Variants in NKAIN2 observed in about 807,000 individuals in gnomAD.
The protein encoded by NKAIN2 is sodium/potassium-transporting ATPase subunit beta-1-interacting protein 2.
NKAIN2 carries 14 observed loss-of-function variants against 32.6 expected under a neutral mutation model. The ratio of observed to expected loss-of-function variants is 0.43; its 90% CI spans 0.28 to 0.67. The LOEUF (loss-of-function observed/expected upper bound fraction) is 0.67, where lower values mean the gene tolerates loss of function less well. Among genes scored for constraint, NKAIN2 ranks in the 30% least tolerant of loss-of-function variants. NKAIN2 has a pLI of 0.17. For synonymous variants in NKAIN2, 80 were observed against 87.2 expected (o/e 0.92, Z 0.46); for missense variants, 198 against 258.3 (o/e 0.77, Z 1.60).
chr6:124,250,743 C>T (rs371966081), intron 1 of NKAIN2, among the ~76,000 whole-genome samples: 12 of 151,964 alleles, frequency 7.9e-5, no homozygotes, highest in African/African-American at 2.9e-4. Context: ...AGGAGACTTA[C>T]AGAGGTAATG....
At chr6:124,211,975 C>T (rs1164398454) in intron 1 of NKAIN2, among the ~76,000 whole-genome samples, 1 of 151,938 alleles carries the variant, frequency 6.6e-6, no homozygotes, top group East Asian at 1.9e-4. Context: ...AATGGGCTTT[C>T]TTCTATTGGA....
chr6:124,513,907 A>G (rs1778809334), intron 3 of NKAIN2, among the ~76,000 whole-genome samples: 1 of 152,332 alleles, frequency 6.6e-6, no homozygotes, highest in Non-Finnish European at 1.5e-5. Flanking sequence ...TAATAAACAT[A>G]AAATGTGTGC....
intron 1 of NKAIN2, among the ~76,000 whole-genome samples, chr6:123,907,490 T>C (rs1774942964): frequency 6.6e-6 from 1 of 152,178 alleles, no homozygotes; most frequent in South Asian, 2.1e-4. Flanking sequence ...AGACTCATGA[T>C]TTCCCAGATT....
chr6:124,297,109 A>C (rs1367639372), intron 2 of NKAIN2, among the ~76,000 whole-genome samples: 1 of 152,180 alleles, frequency 6.6e-6, no homozygotes, highest in Non-Finnish European at 1.5e-5. Context: ...AGTATGTCAT[A>C]AAATTATGAA....
chr6:124,794,434 T>G (rs1257843494), intron 5 of NKAIN2, among the ~76,000 whole-genome samples: 1 of 152,142 alleles, frequency 6.6e-6, no homozygotes, highest in Non-Finnish European at 1.5e-5. Flanking sequence ...TATCTCTCAA[T>G]CATCTAATAA....
At chr6:124,625,341 G>T (rs186315735) in intron 3 of NKAIN2, among the ~76,000 whole-genome samples, 1 of 152,090 alleles carries the variant, frequency 6.6e-6, no homozygotes, top group African/African-American at 2.4e-5. Flanking sequence ...CTTAAATAAA[G>T]TGTCTCTCAC....
chr6:124,361,754 A>G (rs527997010), intron 3 of NKAIN2, among the ~76,000 whole-genome samples: 1 of 152,226 alleles, frequency 6.6e-6, no homozygotes, highest in East Asian at 1.9e-4. Context: ...TTTTGAATGT[A>G]AGAGACAGGA....
At chr6:124,631,742 T>C (rs1783577875) in intron 3 of NKAIN2, among the ~76,000 whole-genome samples, 1 of 152,172 alleles carries the variant, frequency 6.6e-6, no homozygotes, top group Non-Finnish European at 1.5e-5. Flanking sequence ...GATGTCTCTT[T>C]AATTATGAGG....
chr6:124,312,659 G>A (rs894690831), intron 2 of NKAIN2, among the ~76,000 whole-genome samples: 5 of 152,122 alleles, frequency 3.3e-5, no homozygotes, highest in East Asian at 1.9e-4. Flanking sequence ...TCTTCATACC[G>A]TGTCCTCTTC....
intron 1 of NKAIN2, among the ~76,000 whole-genome samples, chr6:123,997,808 T>C (rs1779695680): frequency 6.6e-6 from 1 of 151,970 alleles, no homozygotes; most frequent in South Asian, 2.1e-4. Flanking sequence ...TTTCACCGTG[T>C]TAGCCAGGAT....
At chr6:124,064,172 C>T (rs930518892) in intron 1 of NKAIN2, among the ~76,000 whole-genome samples, 3 of 151,962 alleles carry the variant, frequency 2.0e-5, no homozygotes, top group African/African-American at 4.8e-5. Context: ...AGGATGTTCT[C>T]GATTTCCTGA....
chr6:124,819,061 G>A (rs186816840), intron 6 of NKAIN2: 63 of 582,400 alleles, frequency 1.1e-4, no homozygotes, highest in Non-Finnish European at 1.3e-4. Context: ...TACAATCAGA[G>A]CCTGATTTTT....
Position 124,379,027 on chromosome 6 carries a change from G to A in NKAIN2, c.273+23680G>A, listed in dbSNP as rs117548030. The stretch of plus-strand genomic sequence containing the variant: ...GGATGACCTGGGCCCAGGAGTTTGA[G>A]GTTGCAGTGAGCCAAGACTGTGCCA... On this transcript the variant is annotated intron_variant, in intron 3 of 6. Coordinates refer to ENST00000368417, the MANE Select transcript of NKAIN2 (RefSeq NM_001040214.3). Among the ~76,000 whole-genome samples the A allele has an allele frequency of 1.8e-3, 272 of 147,674 alleles. 6 individuals are homozygous for A. The East Asian group carries it at 0.049, about 26-fold the overall frequency.
rs1157607122 is a variant in NKAIN2, at chr6:124,647,496, C to CAA, written c.274-10667_274-10666dup. On this transcript the variant is annotated intron_variant, in intron 3 of 6. Coordinates refer to ENST00000368417, the MANE Select transcript of NKAIN2 (RefSeq NM_001040214.3). Reference sequence around the variant, plus strand: ...CCTGGGCGACAGAGCGAGACTCTGTCAAAAAAAAAAAAAAAAAAAAAAAAG... The same window carrying CAA: ...CCTGGGCGACAGAGCGAGACTCTGTCAAAAAAAAAAAAAAAAAAAAAAAAAAG... Among the ~76,000 whole-genome samples the CAA allele has an allele frequency of 8.7e-3, 512 of 58,884 alleles. 49 individuals carry two copies. The highest frequency in any genetic ancestry group is 0.037 in the African/African-American group (465 of 12,706). 38.6% of individuals were successfully genotyped at this position (58,884 alleles called of 152,430 possible). A position where few individuals can be genotyped will look rare whatever the true frequency, so the allele number is the denominator to read the frequency against.
chr6:124,214,204 C>T (rs377510844), intron 1 of NKAIN2, among the ~76,000 whole-genome samples: 1 of 151,924 alleles, frequency 6.6e-6, no homozygotes, highest in Non-Finnish European at 1.5e-5. Flanking sequence ...ATGTGGACTT[C>T]GAAAGAGATT....
intron 3 of NKAIN2, among the ~76,000 whole-genome samples, chr6:124,460,252 T>C (rs1776480909): frequency 6.6e-6 from 1 of 151,814 alleles, no homozygotes; most frequent in Admixed American, 6.6e-5. Flanking sequence ...AGTTCTACTT[T>C]AAAATATTTT....
chr6:124,453,355 A>ACACACG (rs71021493), intron 3 of NKAIN2, among the ~76,000 whole-genome samples: 65,532 of 136,638 alleles, frequency 0.48, 19,038 homozygotes, highest in South Asian at 0.63. Flanking sequence ...ACACACACAC[A>ACACACG]CACACACACA....
chr6:123,890,581 A>G (rs965384944), intron 1 of NKAIN2, among the ~76,000 whole-genome samples: 1 of 152,138 alleles, frequency 6.6e-6, no homozygotes, highest in Non-Finnish European at 1.5e-5. Flanking sequence ...GTTTATTTCA[A>G]TCCGAGGCCT....
chr6:124,377,371 A>G (rs1272724350), intron 3 of NKAIN2, among the ~76,000 whole-genome samples: 1 of 152,320 alleles, frequency 6.6e-6, no homozygotes, highest in Admixed American at 6.5e-5. Context: ...TCCTAGTCAT[A>G]TATTCTAAAG....
Sources: allele counts gnomAD v4.1 joint callset (sites outside exome capture counted in the v4.1 genomes callset), GRCh38; gene constraint gnomAD v4.1.1; transcripts MANE v1.5; gene names NCBI Gene and HGNC (gene_info 2026-07-23, HGNC 2026-07-21).